The following TRIO variants were observed in gnomAD, a reference collection of about 807,000 sequenced individuals.
TRIO encodes triple functional domain protein.
In TRIO, 58 loss-of-function variants were observed where a neutral mutation model predicts 351.9. The observed-to-expected ratio is 0.16, with a 90% CI of 0.13 to 0.21. The LOEUF is 0.21. Among genes scored for constraint, TRIO ranks in the 10% least tolerant of loss-of-function variants. TRIO has a pLI of 1.00. For synonymous variants in TRIO, 1,758 were observed against 1,595.7 expected, an observed-to-expected ratio of 1.10 and a Z score of -2.42; for missense variants, 3,201 against 4,027.8, an observed-to-expected ratio of 0.79 and a Z score of 5.56.
intron 1 of TRIO, among the ~76,000 whole-genome samples, chr5:14,200,651 C>T (rs1229119050): frequency 6.6e-6 from 1 of 152,146 alleles, no homozygotes; most frequent in Non-Finnish European, 1.5e-5. Context: ...GACCTAACAA[C>T]TGTAGAGTGG....
chr5:14,408,889 A>G (rs1177344002), intron 33 of TRIO, among the ~76,000 whole-genome samples: 1 of 152,034 alleles, frequency 6.6e-6, no homozygotes. Flanking sequence ...AAAAAAGTAA[A>G]TTTTTTGAAT....
intron 31 of TRIO, among the ~76,000 whole-genome samples, chr5:14,403,733 C>T (rs1414529030): frequency 6.5e-4 from 31 of 48,014 alleles, no homozygotes; most frequent in African/African-American, 2.4e-3. Flanking sequence ...GGTGAGGGTG[C>T]AGGTGGTGGT....
In TRIO at chr5:14,487,538, G is replaced by C. The variant is rs768209828; in HGVS notation, c.6910G>C (p.Gly2304Arg). 1.9e-6 allele frequency: 2 copies of C among 1,060,312 alleles called. No individual in the cohort carries two copies. Among genetic ancestry groups the C allele is most frequent in the African/African-American group, 3.5e-5 (2 of 57,834 alleles). 65.7% of individuals were successfully genotyped at this position (1,060,312 alleles called of 1,614,324 possible). A position where few individuals can be genotyped will look rare whatever the true frequency, so the allele number is the denominator to read the frequency against. Residue 2304 changes from glycine (G) to arginine (R), a missense_variant, in exon 48 of 57, where the codon GGG becomes CGG. This residue lies in a region of TRIO where 1,089 missense variants were observed against 954.9 expected (regional missense o/e 1.14). Coordinates refer to ENST00000344204, the MANE Select transcript of TRIO (RefSeq NM_007118.4). Reference sequence around the variant, plus strand: ...CGGCGGCGGCAGCGGGGGCAGCGGCGGGGGTGGGGGCAGCGGCGGCGGCGG... The same window carrying C: ...CGGCGGCGGCAGCGGGGGCAGCGGCCGGGGTGGGGGCAGCGGCGGCGGCGG... ...GGGGGSGGSG[G>R]GGGSGGGGAP... is the part of the protein sequence containing the mutation.
At chr5:14,321,294 T>C (rs895973318) in intron 9 of TRIO, among the ~76,000 whole-genome samples, 4 of 152,070 alleles carry the variant, frequency 2.6e-5, no homozygotes, top group Admixed American at 1.3e-4. Context: ...CTAGTGTGGA[T>C]GGAGAGGTAT....
chr5:14,397,534 A>T (rs17306291), intron 29 of TRIO, among the ~76,000 whole-genome samples: 5,480 of 152,334 alleles, frequency 0.036, 152 homozygotes, highest in Middle Eastern at 0.082. Context: ...TATCCATTGC[A>T]TCACTTGCTA....
intron 33 of TRIO, among the ~76,000 whole-genome samples, chr5:14,415,350 GC>G (rs1349174007): frequency 1.3e-5 from 2 of 152,120 alleles, no homozygotes. Context: ...GGCAGAGCTT[GC>G]CCCAGAACTC....
chr5:14,258,041 C>A (rs1422165046), intron 1 of TRIO, among the ~76,000 whole-genome samples: 1 of 147,704 alleles, frequency 6.8e-6, no homozygotes, highest in Non-Finnish European at 1.5e-5. Context: ...CCCACAGTCA[C>A]CCCCCCTGGG....
chr5:14,507,316 C>A (rs555949417), intron 56 of TRIO, 56 bp downstream of exon 56: 1 of 1,594,922 alleles, frequency 6.3e-7, no homozygotes, highest in Non-Finnish European at 8.5e-7. Context: ...CTTGGCCATG[C>A]GGGACACAGA....
At chr5:14,237,567 G>A (rs938946901) in intron 1 of TRIO, among the ~76,000 whole-genome samples, 3 of 152,210 alleles carry the variant, frequency 2.0e-5, no homozygotes, top group African/African-American at 4.8e-5. Context: ...CACATGTGTC[G>A]TGCGCACACC....
intron 21 of TRIO, among the ~76,000 whole-genome samples, chr5:14,382,425 T>C (rs767629059): frequency 6.6e-6 from 1 of 152,164 alleles, no homozygotes; most frequent in Non-Finnish European, 1.5e-5. Context: ...GCTCTCTCCT[T>C]TTCCACGGCT....
In TRIO at chr5:14,291,077, A is replaced by G. The variant is rs765989161; in HGVS notation, c.902A>G (p.Asn301Ser). 2.2e-5 allele frequency: 36 copies of G among 1,614,082 alleles called. No homozygotes were observed. Among genetic ancestry groups the G allele is most frequent in the African/African-American group, 1.3e-4 (10 of 74,930 alleles). Residue 301 changes from asparagine to serine, a missense_variant, in exon 5 of 57, where the codon AAT becomes AGT. Around this residue, in one of 19 missense-constraint regions of TRIO, gnomAD observed 349 missense variants for 449.3 expected, o/e 0.78. Transcript: ENST00000344204. ...SFPKKNSGSGNADLQNLLPKV... is the reference protein window; with the variant it reads ...SFPKKNSGSGSADLQNLLPKV... ...CCCAAAAAGAACTCAGGCTCAGGCAATGCGGACCTGCAGAACCTCTTGCCC... is the reference window on the plus strand; with the variant it reads ...CCCAAAAAGAACTCAGGCTCAGGCAGTGCGGACCTGCAGAACCTCTTGCCC...
chr5:14,508,449 C>G lies in TRIO; in HGVS notation c.*27C>G, dbSNP rs1757870671. ...CTATCCAGAAGTTCTTTCTCATTCT[C>G]TTTCACCTGCCAATCAGCTGTTAAT... On this transcript the variant is annotated 3_prime_UTR_variant, in exon 57 of 57. Transcript: ENST00000344204. 1 of 1,553,528 alleles carries G rather than the reference C, an allele frequency of 6.4e-7. No homozygotes were observed. The highest frequency in any genetic ancestry group is 2.0e-5 in the Admixed American group (1 of 50,606).
intron 34 of TRIO, among the ~76,000 whole-genome samples, chr5:14,460,208 G>A (rs947747773): frequency 3.3e-5 from 5 of 152,134 alleles, no homozygotes; most frequent in East Asian, 1.9e-4. Flanking sequence ...GAGCCACCGC[G>A]CCCGGCCCCT....
At chr5:14,275,024 T>C (rs1735373443) in intron 2 of TRIO, among the ~76,000 whole-genome samples, 1 of 152,168 alleles carries the variant, frequency 6.6e-6, no homozygotes, top group South Asian at 2.1e-4. Flanking sequence ...TTGTGTCTCT[T>C]TAGTGGACAA....
intron 1 of TRIO, among the ~76,000 whole-genome samples, chr5:14,157,291 G>A (rs560026973): frequency 6.6e-6 from 1 of 152,302 alleles, no homozygotes; most frequent in South Asian, 2.1e-4. Flanking sequence ...TGGGAACTGA[G>A]TTTATGTGCA....
intron 34 of TRIO, among the ~76,000 whole-genome samples, chr5:14,437,683 ACCACC>A (rs1751694299): frequency 9.2e-6 from 1 of 108,300 alleles, no homozygotes; most frequent in African/African-American, 4.5e-5. Flanking sequence ...TTGGATGAGG[ACCACC>A]CCCCCCGCCC....
At chr5:14,412,291 G>A (rs1479529007) in intron 33 of TRIO, among the ~76,000 whole-genome samples, 2 of 152,150 alleles carry the variant, frequency 1.3e-5, no homozygotes, top group African/African-American at 4.8e-5. Flanking sequence ...CCCGGCCACG[G>A]TTCCGTGTAT....
chr5:14,232,511 T>A (rs1202064655), intron 1 of TRIO, among the ~76,000 whole-genome samples: 2 of 152,210 alleles, frequency 1.3e-5, no homozygotes, highest in Non-Finnish European at 1.5e-5. Context: ...TGTCCTGGAC[T>A]CTAAGCTCCG....
chr5:14,479,024 T>C (rs1755316047), intron 41 of TRIO, among the ~76,000 whole-genome samples: 1 of 152,144 alleles, frequency 6.6e-6, no homozygotes. Context: ...TATTTGGTAC[T>C]GTAAAGTGAA....
Sources: allele counts gnomAD v4.1 joint callset (sites outside exome capture counted in the v4.1 genomes callset), GRCh38; gene constraint gnomAD v4.1.1; regional missense constraint gnomAD v4.1.1; transcripts MANE v1.5; gene names NCBI Gene and HGNC (gene_info 2026-07-23, HGNC 2026-07-21).